RB1: variants seen among roughly 807,000 people sequenced by gnomAD.
RB1 encodes the protein retinoblastoma-associated protein.
Under a neutral mutation model 135.4 loss-of-function variants are expected in RB1, and 18 were observed. That is an observed-to-expected ratio of 0.13 (90% CI 0.09 to 0.20). The LOEUF (loss-of-function observed/expected upper bound fraction) is 0.20. RB1 is among the 10% of genes least tolerant of loss of function. The probability of loss-of-function intolerance (pLI) is 1.00; values close to 1 mark genes in which losing one functional copy is unlikely to be tolerated. For missense variants in RB1, 868 were observed against 1,110.0 expected (o/e 0.78, Z 3.10); for synonymous variants, 365 against 373.2 (o/e 0.98, Z 0.25).
chr13:48,443,983 A>G (rs1314100670), intron 17 of RB1, among the ~76,000 whole-genome samples: 1 of 152,132 alleles, frequency 6.6e-6, no homozygotes, highest in East Asian at 1.9e-4. Context: ...TTCTGTGACA[A>G]AATGTGTGGG....
At chr13:48,368,049 A>G (rs570163800) in intron 10 of RB1, among the ~76,000 whole-genome samples, 19 of 152,324 alleles carry the variant, frequency 1.2e-4, no homozygotes, top group Non-Finnish European at 2.4e-4. Context: ...TTGACTGATC[A>G]TAAGTAAAGT....
At chr13:48,348,768 A>G (rs143782388) in intron 5 of RB1, among the ~76,000 whole-genome samples, 188 bp from the exon 6 acceptor site, 1 of 151,520 alleles carries the variant, frequency 6.6e-6, no homozygotes, top group Non-Finnish European at 1.5e-5. Flanking sequence ...ACATAGAAAC[A>G]TTAAATGAAT....
At chr13:48,452,531 G>T (rs1949334240) in intron 17 of RB1, among the ~76,000 whole-genome samples, 1 of 151,528 alleles carries the variant, frequency 6.6e-6, no homozygotes, top group African/African-American at 2.4e-5. Flanking sequence ...TTGTGATTTT[G>T]TCCCATTTTT....
intron 2 of RB1, among the ~76,000 whole-genome samples, chr13:48,323,076 G>A (rs1161500732): frequency 1.3e-5 from 2 of 152,002 alleles, no homozygotes; most frequent in African/African-American, 4.8e-5. Context: ...TTTTGATGGG[G>A]CAGTTTGTGA....
At chr13:48,450,948 T>C (rs1446019881) in intron 17 of RB1, among the ~76,000 whole-genome samples, 2 of 152,224 alleles carry the variant, frequency 1.3e-5, no homozygotes, top group African/African-American at 4.8e-5. Context: ...CAATTGTGAA[T>C]TGGAGTTCAT....
At chr13:48,317,693 C>A (rs1486460384) in intron 2 of RB1, 1 of 552,646 alleles carries the variant, frequency 1.8e-6, no homozygotes, top group East Asian at 6.6e-5. Context: ...GCCGGATCCC[C>A]TTGGGCGGGA....
chr13:48,395,214 G>A (rs1054607930), intron 17 of RB1, among the ~76,000 whole-genome samples: 25 of 152,114 alleles, frequency 1.6e-4, no homozygotes, highest in Non-Finnish European at 3.1e-4. Context: ...TCAACAAAAA[G>A]GACGTCCACA....
chr13:48,330,493 T>C (rs1952323498), intron 2 of RB1, among the ~76,000 whole-genome samples: 1 of 152,078 alleles, frequency 6.6e-6, no homozygotes, highest in Non-Finnish European at 1.5e-5. Flanking sequence ...ATGACTGATA[T>C]CACAGAAATA....
chr13:48,433,893 A>G (rs992579019), intron 17 of RB1, among the ~76,000 whole-genome samples: 1 of 151,656 alleles, frequency 6.6e-6, no homozygotes, highest in Non-Finnish European at 1.5e-5. Flanking sequence ...ATGTATATAC[A>G]TATATACTTT....
At chr13:48,446,509 C>G (rs1207475371) in intron 17 of RB1, among the ~76,000 whole-genome samples, 1 of 152,068 alleles carries the variant, frequency 6.6e-6, no homozygotes, top group African/African-American at 2.4e-5. Flanking sequence ...ATAACATAAC[C>G]TCAAGTGGTG....
At chr13:48,340,079 C>G (rs986572916) in intron 2 of RB1, among the ~76,000 whole-genome samples, 1 of 152,020 alleles carries the variant, frequency 6.6e-6, no homozygotes, top group Non-Finnish European at 1.5e-5. Flanking sequence ...ACAAATAATG[C>G]TGGAGCAATT....
chr13:48,432,409 T>G (rs1456471983), intron 17 of RB1, among the ~76,000 whole-genome samples: 1 of 150,952 alleles, frequency 6.6e-6, no homozygotes, highest in African/African-American at 2.4e-5. Context: ...AAAATAGGAA[T>G]GCATGTTTTG....
chr13:48,384,878 A>G (rs187142809), intron 17 of RB1, among the ~76,000 whole-genome samples: 89 of 152,254 alleles, frequency 5.8e-4, no homozygotes, highest in Non-Finnish European at 1.0e-3. Context: ...GATACTGGAA[A>G]AGTCTGTTGA....
intron 9 of RB1, among the ~76,000 whole-genome samples, chr13:48,367,101 A>C (rs1952708725): frequency 7.2e-6 from 1 of 139,858 alleles, no homozygotes; most frequent in Non-Finnish European, 1.5e-5. Context: ...CCTGGGCGAA[A>C]GAGCGAAACT....
intron 2 of RB1, chr13:48,320,541 A>G (rs1374994308): frequency 6.0e-6 from 3 of 503,470 alleles, no homozygotes; most frequent in East Asian, 4.0e-5. Flanking sequence ...CATATACTCA[A>G]AAGGTTGGCA....
chr13:48,460,654 A>G (rs1464000183), intron 20 of RB1, among the ~76,000 whole-genome samples: 1 of 152,210 alleles, frequency 6.6e-6, no homozygotes, highest in Non-Finnish European at 1.5e-5. Flanking sequence ...TCTATAAAAT[A>G]GGTTAATAAG....
chr13:48,323,522 C>T (rs778742062), intron 2 of RB1, among the ~76,000 whole-genome samples: 1 of 151,672 alleles, frequency 6.6e-6, no homozygotes, highest in Non-Finnish European at 1.5e-5. Flanking sequence ...AAATTTTGAT[C>T]AAACGATTTT....
At chr13:48,342,058 A>G (rs1219970843) in intron 2 of RB1, among the ~76,000 whole-genome samples, 1 of 151,976 alleles carries the variant, frequency 6.6e-6, no homozygotes, top group Non-Finnish European at 1.5e-5. Flanking sequence ...TATAAATATA[A>G]TTTCATTTAA....
chr13:48,426,424 A>G (rs1342478600), intron 17 of RB1, among the ~76,000 whole-genome samples: 3 of 152,206 alleles, frequency 2.0e-5, no homozygotes, highest in Non-Finnish European at 4.4e-5. Context: ...AGCCAATTTA[A>G]ATCAAATAGA....
Sources: allele counts gnomAD v4.1 joint callset (sites outside exome capture counted in the v4.1 genomes callset), GRCh38; gene constraint gnomAD v4.1.1; transcripts MANE v1.5; gene names NCBI Gene and HGNC (gene_info 2026-07-23, HGNC 2026-07-21).